Variants in CAMKK2 observed in about 807,000 individuals in gnomAD.
CAMKK2 encodes the protein calcium/calmodulin-dependent protein kinase kinase 2.
Under a neutral mutation model 67.2 loss-of-function variants are expected in CAMKK2, and 30 were observed. The ratio of observed to expected loss-of-function variants is 0.45; its 90% CI spans 0.33 to 0.61. CAMKK2 has a LOEUF of 0.61. CAMKK2 is among the 20% of genes least tolerant of loss of function. The pLI, the probability that CAMKK2 is intolerant of heterozygous loss-of-function variation, is 0.02. For missense variants in CAMKK2, 643 were observed against 802.0 expected (o/e 0.80, Z 2.39); for synonymous variants, 322 against 326.2 (o/e 0.99, Z 0.14).
intron 1 of CAMKK2, among the ~76,000 whole-genome samples, chr12:121,292,771 C>A (rs1900321076): frequency 6.6e-6 from 1 of 152,056 alleles, no homozygotes; most frequent in South Asian, 2.1e-4. Flanking sequence ...AGTTCGAGAC[C>A]AGCCTGGGCA....
chr12:121,281,207 C>A (rs1308442231), intron 1 of CAMKK2, among the ~76,000 whole-genome samples: 2 of 152,252 alleles, frequency 1.3e-5, no homozygotes, highest in Non-Finnish European at 2.9e-5. Context: ...CCCCGCTAGA[C>A]GCGGGCCTCC....
Position 121,253,355 on chromosome 12 carries a change from G to A in CAMKK2, c.1025C>T (p.Ala342Val), listed in dbSNP as rs778015051. Residue 342 changes from alanine to valine, a missense_variant, in exon 10 of 17, where the codon GCG (alanine) becomes GTG (valine). Ala to Val is a moderately conservative substitution (Grantham distance 64, BLOSUM62 0). Coordinates refer to ENST00000404169, the MANE Select transcript of CAMKK2 (RefSeq NM_001270485.2). The surrounding 1 kb of genome is among the most constrained non-coding windows in gnomAD (Gnocchi z 5.0). Reference protein sequence around the residue: ...GVSNEFKGSDALLSNTVGTPA... With the variant: ...GVSNEFKGSDVLLSNTVGTPA... ...CGTGCCCACGGTGTTGGAGAGGAGC[G>A]CGTCACTGCCCTTGAATTCATTGCT... 16 of 1,614,056 alleles carry A rather than the reference G, an allele frequency of 9.9e-6. No individual in the cohort carries two copies. The highest frequency in any genetic ancestry group is 4.5e-5 in the East Asian group (2 of 44,898).
intron 1 of CAMKK2, among the ~76,000 whole-genome samples, chr12:121,294,962 G>C (rs1296291296): frequency 6.6e-6 from 1 of 152,164 alleles, no homozygotes; most frequent in East Asian, 1.9e-4. Flanking sequence ...TTGAGGTAAG[G>C]AGTTCAAGAC....
At chr12:121,246,003 C>T (rs1326834228) in intron 14 of CAMKK2, among the ~76,000 whole-genome samples, 2 of 151,964 alleles carry the variant, frequency 1.3e-5, no homozygotes, top group Non-Finnish European at 2.9e-5. Flanking sequence ...TAGCCAGGCC[C>T]GAAAGGCCTC....
intron 5 of CAMKK2, among the ~76,000 whole-genome samples, chr12:121,264,323 T>C (rs1041545641): frequency 6.6e-5 from 10 of 152,204 alleles, no homozygotes; most frequent in African/African-American, 2.4e-4. Context: ...AAACATTAAC[T>C]CTTATCTCCT....
Position 121,285,340 on chromosome 12 carries a change from T to C in CAMKK2, c.-59-10755A>G, listed in dbSNP as rs1488753433. ...CAACATGGTGAAACTCCACCTCTAC[T>C]ATAAATACAGAAATTAGCCAGGTAT... is the stretch of plus-strand genomic sequence containing the variant. On this transcript the variant is annotated intron_variant, in intron 1 of 16. Coordinates refer to ENST00000404169, the MANE Select transcript of CAMKK2 (RefSeq NM_001270485.2). This position sits in a 1 kb window ranked among gnomAD's most constrained non-coding sequence, Gnocchi z 4.1. 6.6e-6 allele frequency among the ~76,000 whole-genome samples: 1 copy of C among 152,080 alleles called. No individual in the cohort carries two copies. The highest frequency in any genetic ancestry group is 2.4e-5 in the African/African-American group (1 of 41,398).
rs367977284 is a variant in CAMKK2 at position 121,282,787 on chromosome 12, C to T, written c.-59-8202G>A. Among the ~76,000 whole-genome samples, 120 of 152,042 alleles carry T rather than the reference C, an allele frequency of 7.9e-4. 1 individual carries two copies. The highest frequency in any genetic ancestry group is 2.9e-3 in the African/African-American group (119 of 41,474). On this transcript the variant is annotated intron_variant, in intron 1 of 16. Transcript: ENST00000404169. ...TTCTTTTCTTTTTGACAGAGTCTTG[C>T]TCTGTCCCCCGGGCTGGAGTGCAAT...
chr12:121,244,438 C>G (rs1407214331), intron 16 of CAMKK2, 135 bp downstream of exon 16: 1 of 839,696 alleles, frequency 1.2e-6, no homozygotes, highest in African/African-American at 1.7e-5. Context: ...TCTGGAGGCC[C>G]GCGGTGAGCC....
chr12:121,257,440 G>A (rs1282983308), intron 7 of CAMKK2, among the ~76,000 whole-genome samples: 1 of 151,898 alleles, frequency 6.6e-6, no homozygotes, highest in Non-Finnish European at 1.5e-5. Flanking sequence ...TAAAGATGGG[G>A]TTTCACCGTA....
At chr12:121,277,224 A>T (rs1403026699) in intron 1 of CAMKK2, among the ~76,000 whole-genome samples, 1 of 152,196 alleles carries the variant, frequency 6.6e-6, no homozygotes, top group Non-Finnish European at 1.5e-5. Context: ...ATGCACACAG[A>T]GTGTGTGGTA....
At chr12:121,290,915 G>C (rs905124565) in intron 1 of CAMKK2, among the ~76,000 whole-genome samples, 1 of 152,054 alleles carries the variant, frequency 6.6e-6, no homozygotes. Flanking sequence ...TGCCTCCCGG[G>C]TTCAAGCGAT....
At position 121,274,414 on chromosome 12, in the gene CAMKK2, C is replaced by T. The variant is rs575267981; in HGVS notation, c.113G>A (p.Arg38Gln). 57 of 1,612,998 alleles carry T rather than the reference C, an allele frequency of 3.5e-5. No homozygotes were observed. In the East Asian group the frequency reaches 6.9e-4, roughly 20 times the overall value. ...GTGGATGCTCAAGGATGAGAGGCCC[C>T]GCAGGGCCTCACAGGGCTTCTGGCT... ...SESQKPCEAL[R>Q]GLSSLSIHLG... Residue 38 changes from arginine to glutamine, a missense_variant, in exon 2 of 17, where the codon CGG becomes CAG. By Grantham distance (43) the Arg-to-Gln change is conservative. Coordinates refer to ENST00000404169, the MANE Select transcript of CAMKK2 (RefSeq NM_001270485.2).
intron 5 of CAMKK2, among the ~76,000 whole-genome samples, chr12:121,267,983 G>C (rs1458179744): frequency 6.6e-6 from 1 of 150,482 alleles, no homozygotes. Context: ...TTTTGTGTTA[G>C]GCTTCTTTCA....
chr12:121,265,119 T>C (rs893590750), intron 5 of CAMKK2, among the ~76,000 whole-genome samples: 1 of 151,992 alleles, frequency 6.6e-6, no homozygotes, highest in African/African-American at 2.4e-5. Context: ...CAGTAAACAA[T>C]AGGCAGTCAC....
At chr12:121,283,769 T>G (rs576484493) in intron 1 of CAMKK2, among the ~76,000 whole-genome samples, 1 of 152,268 alleles carries the variant, frequency 6.6e-6, no homozygotes, top group South Asian at 2.1e-4. Flanking sequence ...GAACTATGAT[T>G]GCACCACTGC....
intron 7 of CAMKK2, among the ~76,000 whole-genome samples, chr12:121,257,593 A>T (rs1395577266): frequency 2.0e-5 from 3 of 152,146 alleles, no homozygotes; most frequent in Admixed American, 6.5e-5. Context: ...GAGGTGGCCA[A>T]GGGGAACAGG....
rs958407443 is a variant in CAMKK2, at chr12:121,248,473, C to A, written c.1452+133G>T. 3.5e-5 allele frequency: 35 copies of A among 993,468 alleles called. No homozygotes were observed. The African/African-American group carries it at 5.3e-4, about 15-fold the overall frequency. 61.5% of individuals were successfully genotyped at this position (993,468 alleles called of 1,614,324 possible). A position where few individuals can be genotyped will look rare whatever the true frequency, so the allele number is the denominator to read the frequency against. On this transcript the variant is annotated intron_variant, in intron 14 of 16. Coordinates refer to ENST00000404169, the MANE Select transcript of CAMKK2 (RefSeq NM_001270485.2). ...CTGATACATGACCAAGGCCCAGAGG[C>A]CAGCAGCTGTGGATTAGGGGTGGCC...
chr12:121,242,351 A>AAAAG (rs368398056), intron 16 of CAMKK2, among the ~76,000 whole-genome samples: 379 of 151,532 alleles, frequency 2.5e-3, no homozygotes, highest in African/African-American at 5.7e-3. Context: ...TCAAAAAAAA[A>AAAAG]AAAGAAAGAA....
intron 1 of CAMKK2, among the ~76,000 whole-genome samples, chr12:121,287,836 G>A (rs1040497905): frequency 3.9e-5 from 6 of 152,154 alleles, no homozygotes; most frequent in Admixed American, 3.9e-4. Context: ...GCCAAGTGTG[G>A]TGCTGCACAC....
Sources: gnomAD v4.1 joint callset for allele counts (sites outside exome capture counted in the v4.1 genomes callset) on GRCh38, gnomAD v4.1.1 for gene constraint, Gnocchi (gnomAD v3.1) non-coding constraint, MANE v1.5 for transcripts, NCBI Gene and HGNC (gene_info 2026-07-23, HGNC 2026-07-21) for gene names.